The following RREB1 variants were observed in gnomAD, a reference collection of about 807,000 sequenced individuals.
The protein encoded by RREB1 is ras-responsive element-binding protein 1.
In RREB1, 27 loss-of-function variants were observed where a neutral mutation model predicts 117.8. That is an observed-to-expected ratio of 0.23 (90% confidence interval 0.17 to 0.32). The LOEUF is 0.32. RREB1 is among the 10% of genes least tolerant of loss of function. RREB1 has a pLI of 1.00. For missense variants in RREB1, 2,577 were observed against 2,378.2 expected, an observed-to-expected ratio of 1.08 and a Z score of -1.74; for synonymous variants, 1,298 against 1,026.7, an observed-to-expected ratio of 1.26 and a Z score of -5.05.
chr6:7,164,012 G>A (rs1049365146), intron 1 of RREB1, among the ~76,000 whole-genome samples: 9 of 152,050 alleles, frequency 5.9e-5, no homozygotes, highest in Non-Finnish European at 1.3e-4. Context: ...GGCCCCTATC[G>A]GGGCTGGGTC....
intron 1 of RREB1, among the ~76,000 whole-genome samples, chr6:7,157,271 A>G (rs546678749): frequency 6.6e-6 from 1 of 152,176 alleles, no homozygotes; most frequent in African/African-American, 2.4e-5. Context: ...TGTCTCTACC[A>G]AAAATACAAA....
chr6:7,159,275 A>T (rs1763533867), intron 1 of RREB1, among the ~76,000 whole-genome samples: 1 of 152,234 alleles, frequency 6.6e-6, no homozygotes, highest in Admixed American at 6.5e-5. Context: ...TTACACCCAC[A>T]GGAGGACTTC....
intron 6 of RREB1, among the ~76,000 whole-genome samples, chr6:7,203,352 A>G (rs1010255045): frequency 5.3e-5 from 8 of 152,324 alleles, no homozygotes; most frequent in South Asian, 4.1e-4. Flanking sequence ...GCAAGATTCT[A>G]TTTCCAAAAA....
chr6:7,247,443 C>T (rs1053832521), intron 12 of RREB1, among the ~76,000 whole-genome samples: 7 of 152,032 alleles, frequency 4.6e-5, no homozygotes, highest in African/African-American at 1.7e-4. Flanking sequence ...GGTCCTTGGC[C>T]GTTGTGTTTT....
intron 4 of RREB1, among the ~76,000 whole-genome samples, chr6:7,186,013 C>T (rs559196583): frequency 1.3e-5 from 2 of 152,278 alleles, no homozygotes; most frequent in South Asian, 2.1e-4. Flanking sequence ...TAGAGTTTAG[C>T]ACATGGTAAG....
intron 1 of RREB1, among the ~76,000 whole-genome samples, chr6:7,111,039 G>A (rs930586671): frequency 6.6e-6 from 1 of 152,106 alleles, no homozygotes; most frequent in Non-Finnish European, 1.5e-5. Flanking sequence ...TGATTGAAGG[G>A]TCTTTTAAAT....
intron 1 of RREB1, among the ~76,000 whole-genome samples, chr6:7,148,100 G>A (rs1762953930): frequency 1.3e-5 from 2 of 152,172 alleles, no homozygotes; most frequent in Admixed American, 6.5e-5. Context: ...AGCCAGCAGG[G>A]TATACGTGGG....
At chr6:7,192,396 T>C (rs1184173330) in intron 6 of RREB1, among the ~76,000 whole-genome samples, 1 of 152,044 alleles carries the variant, frequency 6.6e-6, no homozygotes, top group Non-Finnish European at 1.5e-5. Flanking sequence ...TTTTGCTATG[T>C]TGGCCAGGCT....
At chr6:7,173,616 G>A (rs899105780) in intron 1 of RREB1, among the ~76,000 whole-genome samples, 2 of 151,920 alleles carry the variant, frequency 1.3e-5, no homozygotes, top group African/African-American at 4.8e-5. Flanking sequence ...GGGCAACATG[G>A]CAAAACCCTA....
chr6:7,247,289 C>A (rs1229805274), intron 12 of RREB1, 68 bp downstream of exon 12: 1 of 1,446,398 alleles, frequency 6.9e-7, no homozygotes, highest in Non-Finnish European at 9.3e-7. Flanking sequence ...CCTAGGAGCT[C>A]CCCTGAAGCG....
intron 1 of RREB1, among the ~76,000 whole-genome samples, chr6:7,152,467 T>A (rs1043018344): frequency 6.6e-6 from 1 of 152,270 alleles, no homozygotes; most frequent in Non-Finnish European, 1.5e-5. Flanking sequence ...TGAATAGCTA[T>A]GAAACATATG....
chr6:7,198,604 A>G (rs1213004845), intron 6 of RREB1, among the ~76,000 whole-genome samples: 2 of 152,212 alleles, frequency 1.3e-5, no homozygotes, highest in Non-Finnish European at 2.9e-5. Context: ...TATGAACTGT[A>G]TATATCTCCT....
At chr6:7,173,507 A>G (rs1289059608) in intron 1 of RREB1, among the ~76,000 whole-genome samples, 2 of 151,768 alleles carry the variant, frequency 1.3e-5, no homozygotes, top group Non-Finnish European at 2.9e-5. Context: ...ACATGAAGAA[A>G]AAAAAAAAAA....
chr6:7,141,549 G>A (rs1762591189), intron 1 of RREB1, among the ~76,000 whole-genome samples: 1 of 152,142 alleles, frequency 6.6e-6, no homozygotes, highest in Admixed American at 6.5e-5. Flanking sequence ...GCATAGACAT[G>A]AGCATGCCCA....
At chr6:7,195,696 G>A (rs1765629132) in intron 6 of RREB1, among the ~76,000 whole-genome samples, 1 of 152,222 alleles carries the variant, frequency 6.6e-6, no homozygotes, top group African/African-American at 2.4e-5. Context: ...CTGGGATTGG[G>A]TAGTGCACAG....
At chr6:7,171,853 AC>A (rs1764226319) in intron 1 of RREB1, among the ~76,000 whole-genome samples, 1 of 152,098 alleles carries the variant, frequency 6.6e-6, no homozygotes, top group Non-Finnish European at 1.5e-5. Context: ...AGAAAGGGTA[AC>A]CAAGGGGACT....
intron 8 of RREB1, among the ~76,000 whole-genome samples, chr6:7,222,663 A>G (rs895415845): frequency 6.6e-6 from 1 of 152,128 alleles, no homozygotes; most frequent in Non-Finnish European, 1.5e-5. Flanking sequence ...AGAAACCTCA[A>G]TGTTATTAAA....
chr6:7,123,421 C>T (rs1026097273), intron 1 of RREB1, among the ~76,000 whole-genome samples: 3 of 152,054 alleles, frequency 2.0e-5, no homozygotes, highest in South Asian at 2.1e-4. Flanking sequence ...CTCAGCCTCC[C>T]GAAGTGCTAG....
intron 5 of RREB1, among the ~76,000 whole-genome samples, chr6:7,188,256 C>CGT (rs1561769987): frequency 1.1e-5 from 1 of 87,478 alleles, no homozygotes; most frequent in African/African-American, 3.6e-5. Context: ...TGTGTGTGCG[C>CGT]GCGCGCACGT....
Sources: gnomAD v4.1 joint callset for allele counts (sites outside exome capture counted in the v4.1 genomes callset) on GRCh38, gnomAD v4.1.1 for gene constraint, MANE v1.5 for transcripts, NCBI Gene and HGNC (gene_info 2026-07-23, HGNC 2026-07-21) for gene names.